CADM2: variants seen among roughly 807,000 people sequenced by gnomAD.
The protein encoded by CADM2 is immunoglobulin superfamily member 4D.
CADM2 carries 12 observed loss-of-function variants against 49.8 expected under a neutral mutation model. The observed-to-expected ratio is 0.24, with a 90% confidence interval of 0.15 to 0.39. The LOEUF (loss-of-function observed/expected upper bound fraction) is 0.39, where lower values mean the gene tolerates loss of function less well. Among genes scored for constraint, CADM2 ranks in the 10% least tolerant of loss-of-function variants. The probability of loss-of-function intolerance (pLI) is 1.00; values close to 1 mark genes in which losing one functional copy is unlikely to be tolerated. For synonymous variants in CADM2, 214 were observed against 175.4 expected (o/e 1.22, Z -1.74); for missense variants, 378 against 492.3 (o/e 0.77, Z 2.20).
chr3:85,913,826 A>G (rs6549061), intron 6 of CADM2, among the ~76,000 whole-genome samples: 41,833 of 152,020 alleles, frequency 0.28, 6,055 homozygotes, highest in Middle Eastern at 0.32. Flanking sequence ...CAGTAAGGAG[A>G]CTGAAATGGA....
intron 2 of CADM2, among the ~76,000 whole-genome samples, chr3:85,792,012 C>T (rs535422898): frequency 3.0e-4 from 45 of 152,266 alleles, no homozygotes; most frequent in Non-Finnish European, 5.7e-4. Context: ...CATAAGCCAC[C>T]GCGCCTGGCC....
chr3:85,424,711 T>C (rs548743566), intron 1 of CADM2, among the ~76,000 whole-genome samples: 1 of 152,322 alleles, frequency 6.6e-6, no homozygotes, highest in Admixed American at 6.5e-5. Flanking sequence ...TTTGAGGAAA[T>C]GTGTTTTTTC....
At chr3:86,037,118 C>T (rs1325923557) in intron 8 of CADM2, among the ~76,000 whole-genome samples, 1 of 152,076 alleles carries the variant, frequency 6.6e-6, no homozygotes, top group African/African-American at 2.4e-5. Flanking sequence ...GTTGAGTATA[C>T]AGTTGCTGTC....
chr3:86,053,535 T>G (rs1410535036), intron 8 of CADM2, among the ~76,000 whole-genome samples: 2 of 152,126 alleles, frequency 1.3e-5, no homozygotes, highest in Non-Finnish European at 2.9e-5. Flanking sequence ...AAAGGAATCT[T>G]CTCTGCAATT....
intron 1 of CADM2, among the ~76,000 whole-genome samples, chr3:85,157,312 C>T (rs1401816054): frequency 6.6e-6 from 1 of 151,092 alleles, no homozygotes; most frequent in Non-Finnish European, 1.5e-5. Flanking sequence ...CTACCAATGC[C>T]TTTCTTCACA....
At chr3:85,441,904 A>G (rs934139015) in intron 1 of CADM2, among the ~76,000 whole-genome samples, 4 of 152,120 alleles carry the variant, frequency 2.6e-5, no homozygotes, top group African/African-American at 4.8e-5. Context: ...AGTAAGGAAC[A>G]AAGAAGAGAG....
chr3:84,997,976 A>G (rs139303485), intron 1 of CADM2, among the ~76,000 whole-genome samples: 2 of 152,280 alleles, frequency 1.3e-5, no homozygotes, highest in East Asian at 3.9e-4. Context: ...TTCCCCAAGT[A>G]AAATTGCAAG....
intron 1 of CADM2, among the ~76,000 whole-genome samples, chr3:85,493,257 A>T (rs2107650584): frequency 6.6e-6 from 1 of 152,232 alleles, no homozygotes; most frequent in East Asian, 1.9e-4. Context: ...TTTCCAACTA[A>T]AATTGAGAGT....
chr3:85,191,317 T>A (rs963158502), intron 1 of CADM2, among the ~76,000 whole-genome samples: 3 of 152,060 alleles, frequency 2.0e-5, no homozygotes, highest in Admixed American at 6.6e-5. Flanking sequence ...CTCACTTTTA[T>A]AACAAATATA....
chr3:85,572,420 G>A (rs955914091), intron 1 of CADM2, among the ~76,000 whole-genome samples: 15 of 152,036 alleles, frequency 9.9e-5, no homozygotes, highest in African/African-American at 3.6e-4. Context: ...GTACCTATAG[G>A]GTTCTCCAGA....
At chr3:85,316,449 A>C (rs1052161981) in intron 1 of CADM2, among the ~76,000 whole-genome samples, 15 of 152,192 alleles carry the variant, frequency 9.9e-5, no homozygotes, top group Middle Eastern at 3.4e-3. Flanking sequence ...AGTAACAAAT[A>C]TTTCATTGTT....
intron 1 of CADM2, among the ~76,000 whole-genome samples, chr3:85,138,625 C>T (rs1332084647): frequency 1.3e-5 from 2 of 151,828 alleles, no homozygotes; most frequent in African/African-American, 4.8e-5. Context: ...AACATAAAAA[C>T]AAAAAATTGG....
chr3:85,027,113 T>TC lies in CADM2; in HGVS notation c.61+67445_61+67446insC, dbSNP rs1425194550. On this transcript the variant is annotated intron_variant, in intron 1 of 9. Transcript: ENST00000383699. ...TGTTGTTGCTTTTTCTTTTTCCTTTTTTTTTTTTTTTTTTTTTTTAAGACG... is the reference window on the plus strand; with the variant it reads ...TGTTGTTGCTTTTTCTTTTTCCTTTTCTTTTTTTTTTTTTTTTTTTAAGACG... 8.3e-5 allele frequency among the ~76,000 whole-genome samples: 10 copies of TC among 120,840 alleles called. 1 individual carries two copies. The highest frequency in any genetic ancestry group is 3.1e-4 in the African/African-American group (9 of 28,758). The allele number at this position is 120,840 out of a possible 152,430, so 79.3% of individuals were successfully genotyped here.
Position 85,146,877 on chromosome 3 carries a change from G to A in CADM2, c.61+187209G>A, listed in dbSNP as rs190769691. Among the ~76,000 whole-genome samples, 15 of 152,200 alleles carry A rather than the reference G, an allele frequency of 9.9e-5. No individual in the cohort carries two copies. The East Asian group carries it at 2.7e-3, about 27-fold the overall frequency. ...TGAGTTATTTCTTAAATGCGATCCT[G>A]CAAGTATGGGACATATGAAGACATT... is the stretch of plus-strand genomic sequence containing the variant. On this transcript the variant is annotated intron_variant, in intron 1 of 9. Coordinates refer to ENST00000383699, the MANE Select transcript of CADM2 (RefSeq NM_001167675.2).
intron 1 of CADM2, among the ~76,000 whole-genome samples, chr3:85,612,558 T>G (rs1423707820): frequency 1.3e-5 from 2 of 151,836 alleles, no homozygotes; most frequent in East Asian, 3.9e-4. Context: ...TACTTAAATA[T>G]AGAACTGAAA....
intron 7 of CADM2, among the ~76,000 whole-genome samples, chr3:85,941,597 G>A (rs1577720334): frequency 6.6e-6 from 1 of 151,974 alleles, no homozygotes; most frequent in African/African-American, 2.4e-5. Context: ...CACAGGAAAA[G>A]CCCCTTCTCT....
intron 2 of CADM2, among the ~76,000 whole-genome samples, chr3:85,785,430 C>T (rs531455843): frequency 7.2e-4 from 109 of 152,142 alleles, no homozygotes; most frequent in Middle Eastern, 3.4e-3. Flanking sequence ...TAGCCTGAAC[C>T]TCAGCAGATA....
At chr3:85,620,232 A>G (rs536985343) in intron 1 of CADM2, among the ~76,000 whole-genome samples, 2 of 152,138 alleles carry the variant, frequency 1.3e-5, no homozygotes, top group East Asian at 1.9e-4. Flanking sequence ...TTTAAAACAC[A>G]GAACCTAAAA....
At chr3:85,203,067 G>T (rs2041548448) in intron 1 of CADM2, among the ~76,000 whole-genome samples, 2 of 152,122 alleles carry the variant, frequency 1.3e-5, no homozygotes. Flanking sequence ...AAGGGAATGT[G>T]GCTGGTTTGA....
Sources: allele counts gnomAD v4.1 joint callset (sites outside exome capture counted in the v4.1 genomes callset), GRCh38; gene constraint gnomAD v4.1.1; transcripts MANE v1.5; gene names NCBI Gene and HGNC (gene_info 2026-07-23, HGNC 2026-07-21).